Variants in SLC4A1 observed in about 807,000 individuals in gnomAD.
SLC4A1 encodes solute carrier family 4 member 1 (Diego blood group).
In SLC4A1, 29 loss-of-function variants were observed where a neutral mutation model predicts 93.1. The observed-to-expected ratio is 0.31, with a 90% confidence interval of 0.23 to 0.42. SLC4A1 has a LOEUF of 0.42. Among genes scored for constraint, SLC4A1 ranks in the 20% least tolerant of loss-of-function variants. The pLI is 1.00. For missense variants in SLC4A1, 965 were observed against 1,190.1 expected (o/e 0.81, Z 2.78); for synonymous variants, 469 against 497.2 (o/e 0.94, Z 0.76).
At position 44,248,989 on chromosome 17, in the gene SLC4A1, A is replaced by G. The variant is rs1401022279; in HGVS notation, c.*1469T>C. On this transcript the variant is annotated 3_prime_UTR_variant, in exon 20 of 20. Transcript: ENST00000262418. ...ATTCTCTTGCCTCAGCCTTCTAAGT[A>G]GCTGGGATTACAGGTGCCTGCCACG... The G allele has an allele frequency of 3.0e-6, 1 of 336,106 alleles. No homozygotes were observed. The highest frequency in any genetic ancestry group is 5.8e-6 in the Non-Finnish European group (1 of 173,854). The allele number at this position is 336,106 out of a possible 1,614,324, so 20.8% of individuals were successfully genotyped here.
chr17:44,259,366 A>C, intron 8 of SLC4A1, 22 bp from the exon 9 acceptor site: 1 of 1,612,810 alleles, frequency 6.2e-7, no homozygotes, highest in Non-Finnish European at 8.5e-7. Context: ...TGAGAAGATC[A>C]GGCCAGGCCG....
At chr17:44,251,778 A>G (rs1273180757) in intron 17 of SLC4A1, among the ~76,000 whole-genome samples, 190 bp from the exon 18 acceptor site, 3 of 134,510 alleles carry the variant, frequency 2.2e-5, no homozygotes, top group Non-Finnish European at 3.0e-5. Flanking sequence ...CTGTCACCCA[A>G]GCCAGAGTGC....
rs142757938 is a variant in SLC4A1 at position 44,260,647 on chromosome 17, C to T, written c.337G>A (p.Val113Ile). 69 of 1,614,166 alleles carry T rather than the reference C, an allele frequency of 4.3e-5. 1 individual carries two copies. In the African/African-American group the frequency reaches 6.4e-4, roughly 15 times the overall value. ...CCAGGAGGCTCACCCTTGGTGAAGA[C>T]TCTACGCAGCTCTAGGAGGCTCCAG... ...TFWSLLELRR[V>I]FTKGTVLLDL... Residue 113 changes from valine to isoleucine, a missense_variant, in exon 5 of 20, where the codon GTC becomes ATC. Val to Ile is a conservative substitution (Grantham distance 29). Transcript: ENST00000262418.
chr17:44,253,497 C>G (rs1208506402), intron 16 of SLC4A1, 126 bp from the exon 17 acceptor site: 3 of 1,188,842 alleles, frequency 2.5e-6, no homozygotes, highest in South Asian at 1.6e-5. Context: ...TCTTTGAGTT[C>G]CTTGCTCCCC....
rs1598294603 is a variant in SLC4A1 at position 44,250,298 on chromosome 17, G to T, written c.*160C>A. ...AAAGCCAGGCTACCCTTTGTGGAAG[G>T]TCTCCTGGACACGCCTTCCTTCCCC... On this transcript the variant is annotated 3_prime_UTR_variant, in exon 20 of 20. Coordinates refer to ENST00000262418, the MANE Select transcript of SLC4A1 (RefSeq NM_000342.4). The T allele has an allele frequency of 1.5e-6, 1 of 651,406 alleles. No individual in the cohort carries two copies. Among genetic ancestry groups the T allele is most frequent in the Non-Finnish European group, 2.8e-6 (1 of 361,268 alleles). 40.4% of individuals were successfully genotyped at this position (651,406 alleles called of 1,614,324 possible).
chr17:44,258,433 G>A lies in SLC4A1; in HGVS notation c.1067C>T (p.Ser356Phe). 6.2e-7 allele frequency: 1 copy of A among 1,614,118 alleles called. No individual in the cohort carries two copies. Among genetic ancestry groups the A allele is most frequent in the Non-Finnish European group, 8.5e-7 (1 of 1,179,988 alleles). Residue 356 changes from serine (S) to phenylalanine (F), a missense_variant, in exon 10 of 20, where the codon TCC becomes TTC. This residue lies in a region of SLC4A1 where 770 missense variants were observed against 1,006.6 expected (regional missense o/e 0.76). Coordinates refer to ENST00000262418, the MANE Select transcript of SLC4A1 (RefSeq NM_000342.4). This position sits in a 1 kb window ranked among gnomAD's most constrained non-coding sequence, Gnocchi z 6.1. ...GGTACCTAGGCCCTTGTAGAAGCTG[G>A]AGTCTGGCTTGGCAGGGCTGGACTG... ...RYQSSPAKPD[S>F]SFYKGLDLNG...
At chr17:44,255,444 C>T (rs2047380404) in intron 14 of SLC4A1, 148 bp from the exon 15 acceptor site, 1 of 759,572 alleles carries the variant, frequency 1.3e-6, no homozygotes, top group Non-Finnish European at 2.2e-6. Flanking sequence ...GCTATGTCTG[C>T]CTCCTTTCTT....
chr17:44,260,066 AC>A, intron 6 of SLC4A1, 134 bp from the exon 7 acceptor site: 1 of 1,141,704 alleles, frequency 8.8e-7, no homozygotes. Context: ...CCCAGACCAG[AC>A]CAGAGAGACC....
intron 1 of SLC4A1, among the ~76,000 whole-genome samples, chr17:44,263,753 C>CTTCCTTCCTTCCTCCTTCTCTTTTTCT (rs2047472203): frequency 6.7e-6 from 1 of 150,114 alleles, no homozygotes; most frequent in African/African-American, 2.5e-5. Flanking sequence ...TCCCTGCTTC[C>CTTCCTTCCTTCCTCCTTCTCTTTTTCT]TTCCTTCCTT....
In SLC4A1 at chr17:44,255,231, G is replaced by T; in HGVS notation, c.1866C>A (p.Phe622Leu). 6.4e-7 allele frequency: 1 copy of T among 1,557,726 alleles called. No homozygotes were observed. The highest frequency in any genetic ancestry group is 8.7e-7 in the Non-Finnish European group (1 of 1,149,760). Reference protein sequence around the residue: ...ISILIMVLVDFFIQDTYTQKL... With the variant: ...ISILIMVLVDLFIQDTYTQKL... ...CCTGGGTGTAGGTATCCTGAATGAA[G>T]AAATCCACCAGGACCATGATCAGGA... Residue 622 changes from phenylalanine to leucine, a missense_variant, in exon 15 of 20, where the codon TTC becomes TTA. Physicochemically the swap from Phe to Leu is conservative, Grantham distance 22. Transcript: ENST00000262418.
At position 44,260,782 on chromosome 17, in the gene SLC4A1, C is replaced by A. The variant is rs13306787; in HGVS notation, c.202G>T (p.Glu68Ter). ...ATCCATCTCAGCTCCTGGTTCTTTT[C>A]GTCCATCACCAGCTCCTGCAGCTCC... ...YVELQELVMD[E>*]KNQELRWMEA... Residue 68 changes from glutamate to a stop codon, truncating the protein, a stop_gained, in exon 5 of 20, where the codon GAA (glutamate) becomes TAA (stop). Transcript: ENST00000262418. LOFTEE classifies it high-confidence loss of function. 1 of 1,613,524 alleles carries A rather than the reference C, an allele frequency of 6.2e-7. No homozygotes were observed. The highest frequency in any genetic ancestry group is 8.5e-7 in the Non-Finnish European group (1 of 1,180,028).
intron 1 of SLC4A1, among the ~76,000 whole-genome samples, chr17:44,263,460 C>T (rs537619515): frequency 5.9e-5 from 9 of 152,282 alleles, no homozygotes; most frequent in East Asian, 5.8e-4. Flanking sequence ...TCTTGCACTC[C>T]GTCTCTCTCG....
chr17:44,254,654 C>T lies in SLC4A1; in HGVS notation c.1899G>A (p.Ser633=), dbSNP rs148412733. The T allele has an allele frequency of 7.5e-5, 121 of 1,613,888 alleles. No individual in the cohort carries two copies. In the African/African-American group the frequency reaches 1.0e-3, roughly 13 times the overall value. ...TGGACACCTTGAAGCCATCAGGCAC[C>T]GAGAGTTTCTGTGGGAGGGGGTAGC... ...FIQDTYTQKL[S]VPDGFKVSNS... Residue 633 remains serine, a synonymous_variant, in exon 16 of 20, where the codon TCG becomes TCA. Transcript: ENST00000262418.
At chr17:44,261,259 C>T (rs1322092712) in intron 4 of SLC4A1, among the ~76,000 whole-genome samples, 2 of 152,208 alleles carry the variant, frequency 1.3e-5, no homozygotes, top group African/African-American at 4.8e-5. Flanking sequence ...CCTGAGGGGC[C>T]TGGGCAGAGG....
At chr17:44,267,752 G>A (rs2047506423) in intron 1 of SLC4A1, among the ~76,000 whole-genome samples, 1 of 152,094 alleles carries the variant, frequency 6.6e-6, no homozygotes, top group Non-Finnish European at 1.5e-5. Context: ...GACCCTGTGG[G>A]ATCCAACAAG....
Position 44,254,663 on chromosome 17 carries a change from C to T in SLC4A1, c.1891-1G>A. 6.2e-7 allele frequency: 1 copy of T among 1,613,790 alleles called. No individual in the cohort carries two copies. The highest frequency in any genetic ancestry group is 8.5e-7 in the Non-Finnish European group (1 of 1,179,930). On this transcript the variant is annotated splice_acceptor_variant, in intron 15 of 19. Transcript: ENST00000262418. LOFTEE classifies it high-confidence loss of function. ...TGAAGCCATCAGGCACCGAGAGTTT[C>T]TGTGGGAGGGGGTAGCAGGTAAGAA...
At chr17:44,254,461 A>ACCCCCGCCCCCCC in intron 16 of SLC4A1, 35 bp downstream of exon 16, 1 of 654,144 alleles carries the variant, frequency 1.5e-6, no homozygotes, top group Non-Finnish European at 2.8e-6. Context: ...CCTGCCTCCC[A>ACCCCCGCCCCCCC]CCCTCCCAGG....
chr17:44,249,047 T>TAACGGGGTAGA lies in SLC4A1; in HGVS notation c.*1410_*1411insTCTACCCCGTT, dbSNP rs1342206425. 1 of 358,854 alleles carries TAACGGGGTAGA rather than the reference T, an allele frequency of 2.8e-6. No individual in the cohort carries two copies. Among genetic ancestry groups the TAACGGGGTAGA allele is most frequent in the Admixed American group, 3.9e-5 (1 of 25,680 alleles). 22.2% of individuals were successfully genotyped at this position (358,854 alleles called of 1,614,324 possible). On this transcript the variant is annotated 3_prime_UTR_variant, in exon 20 of 20. Transcript: ENST00000262418. ...CAGCTAATTTTTGTATTTTTAGTAG[T>TAACGGGGTAGA]AACGGGGTTTCACCATGTTGGCCAG...
chr17:44,255,151 G>C (rs2144606533), intron 15 of SLC4A1, 56 bp downstream of exon 15: 1 of 1,199,746 alleles, frequency 8.3e-7, no homozygotes, highest in Non-Finnish European at 1.2e-6. Context: ...CATGCTGGGG[G>C]GTGGAAATGA....
Sources: gnomAD v4.1 joint callset for allele counts (sites outside exome capture counted in the v4.1 genomes callset) on GRCh38, gnomAD v4.1.1 for gene constraint, gnomAD v4.1.1 regional missense constraint, Gnocchi (gnomAD v3.1) non-coding constraint, MANE v1.5 for transcripts, NCBI Gene and HGNC (gene_info 2026-07-23, HGNC 2026-07-21) for gene names.